C3: variants seen among roughly 807,000 people sequenced by gnomAD.
The protein encoded by C3 is complement C3, also known as C3 and PZP-like alpha-2-macroglobulin domain-containing protein 1.
A neutral mutation model predicts 207.9 loss-of-function variants in C3; 97 were observed. The observed-to-expected ratio is 0.47, with a 90% CI of 0.40 to 0.55. The LOEUF is 0.55. C3 is among the 20% of genes least tolerant of loss of function. The probability of loss-of-function intolerance (pLI) is 0.00; values close to 1 mark genes in which losing one functional copy is unlikely to be tolerated. For synonymous variants in C3, 848 were observed against 857.6 expected, an observed-to-expected ratio of 0.99 and a Z score of 0.20; for missense variants, 1,684 against 2,171.7, an observed-to-expected ratio of 0.78 and a Z score of 4.46.
chr19:6,717,768 G>A, intron 4 of C3: 1 of 485,986 alleles, frequency 2.1e-6, no homozygotes, highest in South Asian at 2.0e-5. Flanking sequence ...TGCACGTTGT[G>A]CTGTGTGTAT....
In C3 at chr19:6,700,692, A is replaced by ATGT. The variant is rs1227801417; in HGVS notation, c.2440+1434_2440+1435insACA. On this transcript the variant is annotated intron_variant, in intron 19 of 40. Transcript: ENST00000245907. ...ATATATGTAATATATAATATATGAT[A>ATGT]TATTATATATGTAATATGTGGTATG... Among the ~76,000 whole-genome samples, 4 of 16,264 alleles carry ATGT rather than the reference A, an allele frequency of 2.5e-4. 2 individuals carry two copies. The East Asian group carries it at 0.03, about 121-fold the overall frequency. 10.7% of individuals were successfully genotyped at this position (16,264 alleles called of 152,430 possible). A position where few individuals can be genotyped will look rare whatever the true frequency, so the allele number is the denominator to read the frequency against.
In C3 at chr19:6,697,485, G is replaced by C. The variant is rs140780068; in HGVS notation, c.2655C>G (p.Thr885=). Residue 885 remains threonine, a synonymous_variant, in exon 21 of 41, where the codon ACC becomes ACG. Transcript: ENST00000245907. ...LATTKRRHQQ[T]VTIPPKSSLS... ...ACGAGGACTTGGGGGGGATGGTTAC[G>C]GTCTGCTGGTGACGCCTCTTGGTGG... 19 of 1,613,876 alleles carry C rather than the reference G, an allele frequency of 1.2e-5. No homozygotes were observed. In the African/African-American group the frequency reaches 2.4e-4, roughly 20 times the overall value.
chr19:6,689,031 C>T (rs11569523), intron 27 of C3, among the ~76,000 whole-genome samples: 13,629 of 152,148 alleles, frequency 0.09, 811 homozygotes, highest in East Asian at 0.27. Flanking sequence ...ATGAAGATCA[C>T]GGGAGAGAGG....
chr19:6,677,885 G>T lies in C3; in HGVS notation c.4989C>A (p.Asn1663Lys), dbSNP rs1215133135. Residue 1663 changes from asparagine (N) to lysine (K), a missense_variant, in exon 41 of 41, where the codon AAC becomes AAA. Coordinates refer to ENST00000245907, the MANE Select transcript of C3 (RefSeq NM_000064.4). ...TESMVVFGCP[N>K] ...GAGTGGGGGAATGGGGGTGTGGTCAGTTGGGGCACCCAAAGACAACCATGC... is the reference window on the plus strand; with the variant it reads ...GAGTGGGGGAATGGGGGTGTGGTCATTTGGGGCACCCAAAGACAACCATGC... The T allele has an allele frequency of 6.2e-7, 1 of 1,614,058 alleles. No individual in the cohort carries two copies. The highest frequency in any genetic ancestry group is 1.1e-5 in the South Asian group (1 of 91,088).
Position 6,719,516 on chromosome 19 carries a change from G to T in C3, c.75-113C>A. 1.0e-6 allele frequency: 1 copy of T among 959,640 alleles called. No individual in the cohort carries two copies. The allele number at this position is 959,640 out of a possible 1,614,324, so 59.4% of individuals were successfully genotyped here. A position where few individuals can be genotyped will look rare whatever the true frequency, so the allele number is the denominator to read the frequency against. Reference sequence around the variant, plus strand: ...TGCCCCAGCCTCTGGTCCTGGAGAGGATCCAGTGACTGCCGGCGCACTTGC... The same window carrying T: ...TGCCCCAGCCTCTGGTCCTGGAGAGTATCCAGTGACTGCCGGCGCACTTGC... On this transcript the variant is annotated intron_variant, in intron 1 of 40. Transcript: ENST00000245907. The surrounding 1 kb of genome is among the most constrained non-coding windows in gnomAD (Gnocchi z 5.4).
At position 6,677,765 on chromosome 19, in the gene C3, T is replaced by C; in HGVS notation, c.*117A>G. 7.8e-7 allele frequency: 1 copy of C among 1,279,766 alleles called. No individual in the cohort carries two copies. The highest frequency in any genetic ancestry group is 1.2e-5 in the South Asian group (1 of 80,124). 79.3% of individuals were successfully genotyped at this position (1,279,766 alleles called of 1,614,324 possible). A position where few individuals can be genotyped will look rare whatever the true frequency, so the allele number is the denominator to read the frequency against. ...GGAACAGGTGAGGTTTCAAGTAGGA[T>C]GGAGCTGAGCTGCAGGTGAGGCGGC... On this transcript the variant is annotated 3_prime_UTR_variant, in exon 41 of 41. Transcript: ENST00000245907.
chr19:6,718,294 T>C lies in C3; in HGVS notation c.386A>G (p.Tyr129Cys). ...GGTCTTGTCTGTCTGGATGAAGAGGTACCCGCTCTGCAGGCTGACCAGCAC... is the reference window on the plus strand; with the variant it reads ...GGTCTTGTCTGTCTGGATGAAGAGGCACCCGCTCTGCAGGCTGACCAGCAC... The part of the protein sequence containing the change: ...KVVLVSLQSG[Y>C]LFIQTDKTIY... The change falls in exon 3 of 41, where the codon TAC (tyrosine) becomes TGC (cysteine). Residue 129 changes from tyrosine to cysteine, a missense_variant. Around this residue, in one of 3 missense-constraint regions of C3, gnomAD observed 1,280 missense variants for 1,739.1 expected, o/e 0.74. Coordinates refer to ENST00000245907, the MANE Select transcript of C3 (RefSeq NM_000064.4). 6.2e-7 allele frequency: 1 copy of C among 1,613,712 alleles called. No individual in the cohort carries two copies. Among genetic ancestry groups the C allele is most frequent in the African/African-American group, 1.3e-5 (1 of 74,860 alleles).
At chr19:6,695,194 C>T (rs541142461) in intron 23 of C3, among the ~76,000 whole-genome samples, 13 of 150,424 alleles carry the variant, frequency 8.6e-5, no homozygotes, top group African/African-American at 2.2e-4. Context: ...CACTTGAACC[C>T]GGGAGGCTGG....
At chr19:6,689,433 T>C (rs1918116929) in intron 27 of C3, among the ~76,000 whole-genome samples, 1 of 150,280 alleles carries the variant, frequency 6.7e-6, no homozygotes, top group South Asian at 2.1e-4. Context: ...CCTGTGTTTG[T>C]TTTTCTCTTC....
In C3 at chr19:6,720,402, C is replaced by A. The variant is rs11569395; in HGVS notation, c.74+114G>T. The A allele has an allele frequency of 0.012, 9,423 of 771,636 alleles. 333 individuals are homozygous for A. Among genetic ancestry groups the A allele is most frequent in the African/African-American group, 0.09 (5,231 of 58,168 alleles). The allele number at this position is 771,636 out of a possible 1,614,324, so 47.8% of individuals were successfully genotyped here. A position where few individuals can be genotyped will look rare whatever the true frequency, so the allele number is the denominator to read the frequency against. ...TATAATCATTCCCAACCTGCTAACC[C>A]CTGAATCCACAAACACCCAAATGCA... is the stretch of plus-strand genomic sequence containing the variant. On this transcript the variant is annotated intron_variant, in intron 1 of 40. Transcript: ENST00000245907.
At chr19:6,702,637 C>T (rs1967699273) in intron 17 of C3, 58 bp from the exon 18 acceptor site, 4 of 1,223,896 alleles carry the variant, frequency 3.3e-6, no homozygotes. Context: ...ATGGCTCATG[C>T]CTGAAATCCC....
At chr19:6,716,391 T>C (rs1968034684) in intron 4 of C3, 2 of 152,022 alleles carry the variant, frequency 1.3e-5, no homozygotes, top group South Asian at 4.2e-4. Context: ...AGCTGTTTTT[T>C]TGTTTGTTTT....
chr19:6,718,620 A>G (rs575056490), intron 2 of C3, among the ~76,000 whole-genome samples: 1 of 146,742 alleles, frequency 6.8e-6, no homozygotes, highest in South Asian at 2.2e-4. Context: ...GCTCACAAGG[A>G]GGAGAGAGCT....
intron 31 of C3, 36 bp downstream of exon 31, chr19:6,684,739 G>T (rs549046530): frequency 6.2e-7 from 1 of 1,605,916 alleles, no homozygotes; most frequent in East Asian, 2.2e-5. Context: ...GGGCAGAGGG[G>T]CATGGGCCAG....
rs759624343 is a variant in C3, at chr19:6,679,160, C to T, written c.4595G>A (p.Arg1532Gln). ...KSDDKVTLEE[R>Q]LDKACEPGVD... Reference sequence around the variant, plus strand: ...TCCTGGCTCACAGGCCTTGTCCAGCCGTTCTTCCAGGGTGACCTTGTCATC... The same window carrying T: ...TCCTGGCTCACAGGCCTTGTCCAGCTGTTCTTCCAGGGTGACCTTGTCATC... Residue 1532 changes from arginine to glutamine, a missense_variant, in exon 38 of 41, where the codon CGG becomes CAG. Physicochemically the swap from Arg to Gln is conservative, Grantham distance 43. This residue lies in a region of C3 where 346 missense variants were observed against 380.1 expected (regional missense o/e 0.91). Coordinates refer to ENST00000245907, the MANE Select transcript of C3 (RefSeq NM_000064.4). The T allele has an allele frequency of 1.1e-5, 17 of 1,614,216 alleles. No homozygotes were observed. Among genetic ancestry groups the T allele is most frequent in the Admixed American group, 1.7e-5 (1 of 60,022 alleles).
rs200010028 is a variant in C3, at chr19:6,707,933, C to T, written c.1846-4G>A. On this transcript the variant is annotated splice_region_variant and splice_polypyrimidine_tract_variant and intron_variant, in intron 14 of 40. Transcript: ENST00000245907. ...CCTTCTCCACCACGTCCCAGATCTGCGGGGGGCATAGGGGTGGCGGGACGC... is the reference window on the plus strand; with the variant it reads ...CCTTCTCCACCACGTCCCAGATCTGTGGGGGGCATAGGGGTGGCGGGACGC... 4.5e-5 allele frequency: 73 copies of T among 1,613,700 alleles called. No homozygotes were observed. In the East Asian group the frequency reaches 8.7e-4, roughly 19 times the overall value.
intron 31 of C3, 48 bp from the exon 32 acceptor site, chr19:6,684,698 C>G (rs1453276061): frequency 1.2e-6 from 2 of 1,602,254 alleles, no homozygotes; most frequent in South Asian, 2.2e-5. Context: ...AGGACTAGGA[C>G]TGCTGGGGAC....
chr19:6,719,549 A>T lies in C3; in HGVS notation c.75-146T>A, dbSNP rs1968121129. On this transcript the variant is annotated intron_variant, in intron 1 of 40. Transcript: ENST00000245907. The surrounding 1 kb of genome is among the most constrained non-coding windows in gnomAD (Gnocchi z 5.4). ...GACTGCCGGCGCACTTGCCAATGCCATTATCTTCTCTGGGCACTGCCACCG... is the reference window on the plus strand; with the variant it reads ...GACTGCCGGCGCACTTGCCAATGCCTTTATCTTCTCTGGGCACTGCCACCG... 2.8e-6 allele frequency: 2 copies of T among 702,264 alleles called. No homozygotes were observed. Among genetic ancestry groups the T allele is most frequent in the Non-Finnish European group, 4.9e-6 (2 of 406,462 alleles). 43.5% of individuals were successfully genotyped at this position (702,264 alleles called of 1,614,324 possible).
At chr19:6,712,107 T>C in intron 11 of C3, 150 bp downstream of exon 11, 2 of 965,298 alleles carry the variant, frequency 2.1e-6, no homozygotes, top group Non-Finnish European at 3.1e-6. Flanking sequence ...AGTATCTCTA[T>C]GCAAATGGCA....
Sources: gnomAD v4.1 joint callset for allele counts (sites outside exome capture counted in the v4.1 genomes callset) on GRCh38, gnomAD v4.1.1 for gene constraint, gnomAD v4.1.1 regional missense constraint, Gnocchi (gnomAD v3.1) non-coding constraint, MANE v1.5 for transcripts, NCBI Gene and HGNC (gene_info 2026-07-23, HGNC 2026-07-21) for gene names.